The following CTNNA3 variants were observed in gnomAD, a reference collection of about 807,000 sequenced individuals.
The protein encoded by CTNNA3 is catenin alpha 3.
A neutral mutation model predicts 95.7 loss-of-function variants in CTNNA3; 76 were observed. The observed-to-expected ratio is 0.79, with a 90% CI of 0.66 to 0.96. The LOEUF (loss-of-function observed/expected upper bound fraction) is 0.96, where lower values mean the gene tolerates loss of function less well. Ranked by LOEUF, CTNNA3 falls within the 40% of genes least tolerant of loss-of-function variation. CTNNA3 has a pLI of 0.00. For missense variants in CTNNA3, 1,191 were observed against 1,089.8 expected (o/e 1.09, Z -1.31); for synonymous variants, 431 against 374.4 (o/e 1.15, Z -1.74).
At chr10:66,044,123 T>C (rs1419485391) in intron 15 of CTNNA3, among the ~76,000 whole-genome samples, 1 of 152,072 alleles carries the variant, frequency 6.6e-6, no homozygotes, top group Non-Finnish European at 1.5e-5. Flanking sequence ...GCCTCCCAAG[T>C]AGTTGGGACT....
At chr10:67,151,387 GACA>G (rs1861085695) in intron 7 of CTNNA3, among the ~76,000 whole-genome samples, 1 of 151,610 alleles carries the variant, frequency 6.6e-6, no homozygotes, top group Non-Finnish European at 1.5e-5. Context: ...CAAAAAGCAA[GACA>G]ACGAGTTAAC....
chr10:66,792,691 G>T (rs1324673868), intron 7 of CTNNA3, among the ~76,000 whole-genome samples: 1 of 152,120 alleles, frequency 6.6e-6, no homozygotes, highest in Non-Finnish European at 1.5e-5. Context: ...TTGGCAACAT[G>T]TACAAACTTT....
intron 10 of CTNNA3, among the ~76,000 whole-genome samples, chr10:66,586,624 G>T (rs1300619188): frequency 6.6e-6 from 1 of 152,118 alleles, no homozygotes; most frequent in Non-Finnish European, 1.5e-5. Context: ...CAGAAAGTCT[G>T]TCTACAGATG....
Position 67,606,869 on chromosome 10 carries a change from C to A in CTNNA3, c.280G>T (p.Val94Phe). The A allele has an allele frequency of 1.2e-6, 2 of 1,613,174 alleles. No individual in the cohort carries two copies. Among genetic ancestry groups the A allele is most frequent in the Non-Finnish European group, 1.7e-6 (2 of 1,179,518 alleles). The change falls in exon 3 of 18, where the codon GTT becomes TTT. Residue 94 changes from valine to phenylalanine, a missense_variant. By Grantham distance (50) the Val-to-Phe change is conservative. Transcript: ENST00000433211. ...TTGGAGTACTCACTTTCTTTGCGAA[C>A]TTCCTCAAGTGAAGCCGTAAGCTCA... ...KDELTASLEE[V>F]RKESEALKVS...
chr10:67,685,331 G>T (rs905216018), intron 1 of CTNNA3, among the ~76,000 whole-genome samples: 2 of 152,186 alleles, frequency 1.3e-5, no homozygotes, highest in Non-Finnish European at 1.5e-5. Flanking sequence ...GTTTAGCTGA[G>T]TGCAAACAGC....
intron 11 of CTNNA3, among the ~76,000 whole-genome samples, chr10:66,386,239 C>T (rs1375183974): frequency 1.3e-5 from 2 of 152,160 alleles, no homozygotes; most frequent in East Asian, 3.9e-4. Flanking sequence ...TAAGCAACTT[C>T]AGCAAAGTCT....
intron 17 of CTNNA3, among the ~76,000 whole-genome samples, chr10:65,955,755 A>G (rs1454229922): frequency 6.6e-6 from 1 of 152,128 alleles, no homozygotes; most frequent in Admixed American, 6.5e-5. Context: ...ATCATGGTGG[A>G]TAAGCTTTTT....
chr10:66,032,247 G>T (rs2079463929), intron 15 of CTNNA3, among the ~76,000 whole-genome samples: 1 of 152,046 alleles, frequency 6.6e-6, no homozygotes, highest in South Asian at 2.1e-4. Context: ...CTTAGAGAAT[G>T]CTTAATAATT....
At chr10:66,223,259 G>A (rs2089069287) in intron 13 of CTNNA3, among the ~76,000 whole-genome samples, 1 of 151,984 alleles carries the variant, frequency 6.6e-6, no homozygotes, top group African/African-American at 2.4e-5. Context: ...TGCCAAGCAG[G>A]AGAAAGGAAG....
chr10:66,516,948 C>A (rs1438940644), intron 11 of CTNNA3, among the ~76,000 whole-genome samples: 1 of 152,106 alleles, frequency 6.6e-6, no homozygotes, highest in Non-Finnish European at 1.5e-5. Context: ...CTGGGCCGGG[C>A]AAGGTGGCTC....
At chr10:67,466,206 T>C (rs1013953342) in intron 5 of CTNNA3, among the ~76,000 whole-genome samples, 1 of 152,212 alleles carries the variant, frequency 6.6e-6, no homozygotes, top group East Asian at 1.9e-4. Flanking sequence ...TTATATGTGA[T>C]GCTTTATTAA....
At position 66,004,473 on chromosome 10, in the gene CTNNA3, T is replaced by C. The variant is rs534322022; in HGVS notation, c.2160-15676A>G. On this transcript the variant is annotated intron_variant, in intron 15 of 17. Coordinates refer to ENST00000433211, the MANE Select transcript of CTNNA3 (RefSeq NM_013266.4). ...ATGGTTTTCTCCCCCAGTTGGACTT[T>C]TGGTTCATAGAGACATGTAACCTAG... Among the ~76,000 whole-genome samples, 5 of 152,322 alleles carry C rather than the reference T, an allele frequency of 3.3e-5. No homozygotes were observed. The East Asian group carries it at 9.7e-4, about 29-fold the overall frequency.
Position 66,978,093 on chromosome 10 carries a change from T to C in CTNNA3, c.1047+202224A>G, listed in dbSNP as rs896118643. Among the ~76,000 whole-genome samples, 63 of 147,876 alleles carry C rather than the reference T, an allele frequency of 4.3e-4. 1 individual carries two copies. The highest frequency in any genetic ancestry group is 1.4e-3 in the African/African-American group (57 of 39,530). On this transcript the variant is annotated intron_variant, in intron 7 of 17. Coordinates refer to ENST00000433211, the MANE Select transcript of CTNNA3 (RefSeq NM_013266.4). ...ACACACACACACACACACACACACA[T>C]GCGATGACGTTCCTGAAAATATGAT...
At chr10:67,635,860 G>C (rs1839294592) in intron 2 of CTNNA3, among the ~76,000 whole-genome samples, 1 of 152,106 alleles carries the variant, frequency 6.6e-6, no homozygotes, top group South Asian at 2.1e-4. Context: ...CAAGCAGGAA[G>C]AGAGAAAGTC....
chr10:66,166,744 T>G (rs1425473485), intron 13 of CTNNA3, among the ~76,000 whole-genome samples: 1 of 147,262 alleles, frequency 6.8e-6, no homozygotes, highest in Non-Finnish European at 1.5e-5. Flanking sequence ...TTAACTATTA[T>G]AACAGCAAAA....
At chr10:66,143,805 T>G (rs1266878263) in intron 13 of CTNNA3, among the ~76,000 whole-genome samples, 1 of 152,194 alleles carries the variant, frequency 6.6e-6, no homozygotes, top group Non-Finnish European at 1.5e-5. Flanking sequence ...ACAGACACTT[T>G]AATGTGAATT....
intron 5 of CTNNA3, among the ~76,000 whole-genome samples, chr10:67,423,719 T>C (rs1364344702): frequency 6.6e-6 from 1 of 152,142 alleles, no homozygotes; most frequent in Non-Finnish European, 1.5e-5. Context: ...TTATTGATGA[T>C]TGATAATGGA....
chr10:67,424,071 T>C (rs1564639937), intron 5 of CTNNA3, among the ~76,000 whole-genome samples: 1 of 152,144 alleles, frequency 6.6e-6, no homozygotes, highest in Non-Finnish European at 1.5e-5. Context: ...GTGGGTCAAA[T>C]GTCAATTAAC....
intron 13 of CTNNA3, among the ~76,000 whole-genome samples, chr10:66,249,333 G>C (rs370537505): frequency 6.6e-6 from 1 of 152,058 alleles, no homozygotes; most frequent in African/African-American, 2.4e-5. Context: ...AAAGTGAAGA[G>C]ACAACCACAG....
Sources: gnomAD v4.1 joint callset for allele counts (sites outside exome capture counted in the v4.1 genomes callset) on GRCh38, gnomAD v4.1.1 for gene constraint, MANE v1.5 for transcripts, NCBI Gene and HGNC (gene_info 2026-07-23, HGNC 2026-07-21) for gene names.